CEP128: variants seen among roughly 807,000 people sequenced by gnomAD.
CEP128 encodes the protein centrosomal protein 128kDa.
In CEP128, 132 loss-of-function variants were observed where a neutral mutation model predicts 156.7. The ratio of observed to expected loss-of-function variants is 0.84; its 90% CI spans 0.73 to 0.97. The LOEUF (loss-of-function observed/expected upper bound fraction) is 0.97, where lower values mean the gene tolerates loss of function less well. Among genes scored for constraint, CEP128 ranks in the 50% least tolerant of loss-of-function variants. CEP128 has a pLI of 0.00. For synonymous variants in CEP128, 469 were observed against 448.9 expected, an observed-to-expected ratio of 1.04 and a Z score of -0.57; for missense variants, 1,252 against 1,281.9, an observed-to-expected ratio of 0.98 and a Z score of 0.36.
intron 19 of CEP128, among the ~76,000 whole-genome samples, chr14:80,677,993 T>C (rs528984012): frequency 6.7e-6 from 1 of 150,252 alleles, no homozygotes; most frequent in East Asian, 1.9e-4. Context: ...AAAGGTTATT[T>C]ATCAATTCCT....
At chr14:80,704,615 T>C (rs1218725639) in intron 19 of CEP128, among the ~76,000 whole-genome samples, 1 of 152,042 alleles carries the variant, frequency 6.6e-6, no homozygotes, top group African/African-American at 2.4e-5. Flanking sequence ...TTGAAAAAAA[T>C]ACAGAACTAC....
intron 19 of CEP128, among the ~76,000 whole-genome samples, chr14:80,647,038 TATATATATATATATATA>T: frequency 2.2e-3 from 1 of 458 alleles, no homozygotes; most frequent in African/African-American, 8.6e-3. Flanking sequence ...TGTGTGCATG[TATATATATATATATATA>T]TATATATATA....
chr14:80,693,475 C>T (rs1413793690), intron 19 of CEP128, among the ~76,000 whole-genome samples: 2 of 152,000 alleles, frequency 1.3e-5, no homozygotes, highest in Non-Finnish European at 2.9e-5. Context: ...TCTTTCAAAT[C>T]TCAATCAAAA....
At chr14:80,558,543 C>T (rs576224754) in intron 21 of CEP128, among the ~76,000 whole-genome samples, 153 of 152,266 alleles carry the variant, frequency 1.0e-3, no homozygotes, top group Middle Eastern at 3.4e-3. Context: ...CCGCCTCGGC[C>T]TCCCAAAGTG....
At chr14:80,570,300 T>G (rs927785319) in intron 20 of CEP128, among the ~76,000 whole-genome samples, 1 of 151,990 alleles carries the variant, frequency 6.6e-6, no homozygotes, top group African/African-American at 2.4e-5. Context: ...TGTGTTTTAG[T>G]AGAGATGAGG....
chr14:80,525,558 TA>T (rs1361634386), intron 23 of CEP128, among the ~76,000 whole-genome samples: 1 of 152,216 alleles, frequency 6.6e-6, no homozygotes, highest in African/African-American at 2.4e-5. Context: ...GGCACTCCTT[TA>T]CATGATGCAG....
chr14:80,831,396 T>C (rs907826696), intron 12 of CEP128, 102 bp from the exon 13 acceptor site: 9 of 1,239,076 alleles, frequency 7.3e-6, no homozygotes, highest in Non-Finnish European at 1.0e-5. Flanking sequence ...CTAGCTATCA[T>C]AATCCATTTA....
chr14:80,501,411 C>A (rs187236543), intron 24 of CEP128, among the ~76,000 whole-genome samples: 69 of 152,230 alleles, frequency 4.5e-4, no homozygotes, highest in East Asian at 3.9e-3. Context: ...GAGAGAAAAT[C>A]ATTTTCAACT....
intron 13 of CEP128, among the ~76,000 whole-genome samples, chr14:80,816,278 T>C (rs1055277618): frequency 2.6e-5 from 4 of 152,126 alleles, no homozygotes; most frequent in Admixed American, 1.3e-4. Flanking sequence ...CTCTCACCCT[T>C]GCTCTCAGTA....
chr14:80,743,100 C>T lies in CEP128; in HGVS notation c.2781G>A (p.Leu927=). ...CTCTCTTCTCACGATGTATTTCATCCAGAAGCTGCTCCTGCCTTTCTATCT... is the reference window on the plus strand; with the variant it reads ...CTCTCTTCTCACGATGTATTTCATCTAGAAGCTGCTCCTGCCTTTCTATCT... ...FQQIERQEQL[L]DEIHREKRDL... is the part of the protein sequence containing the mutation. The change falls in exon 19 of 25, where the codon CTG becomes CTA. Residue 927 remains leucine (L), a synonymous_variant. Coordinates refer to ENST00000555265, the MANE Select transcript of CEP128 (RefSeq NM_152446.5). The T allele has an allele frequency of 3.1e-6, 5 of 1,613,576 alleles. No individual in the cohort carries two copies. The highest frequency in any genetic ancestry group is 2.2e-5 in the East Asian group (1 of 44,858).
In CEP128 at chr14:80,801,914, A is replaced by C. The variant is rs1423010307; in HGVS notation, c.1210-8804T>G. Among the ~76,000 whole-genome samples, 2 of 143,256 alleles carry C rather than the reference A, an allele frequency of 1.4e-5. 1 individual carries two copies. Among genetic ancestry groups the C allele is most frequent in the African/African-American group, 5.4e-5 (2 of 36,708 alleles). 94.0% of individuals were successfully genotyped at this position (143,256 alleles called of 152,430 possible). Reference sequence around the variant, plus strand: ...CAGTGTGAGACTCTGTCTCCCCAAAAAAAAAAAAAAAAAAAAAAAAAAAGC... The same window carrying C: ...CAGTGTGAGACTCTGTCTCCCCAAACAAAAAAAAAAAAAAAAAAAAAAAGC... On this transcript the variant is annotated intron_variant, in intron 13 of 24. Coordinates refer to ENST00000555265, the MANE Select transcript of CEP128 (RefSeq NM_152446.5).
intron 19 of CEP128, among the ~76,000 whole-genome samples, chr14:80,624,713 G>A (rs191387887): frequency 2.0e-5 from 3 of 152,060 alleles, no homozygotes; most frequent in African/African-American, 7.2e-5. Context: ...TTGGCTTCTT[G>A]TGTGTCTTCT....
At chr14:80,531,612 C>A (rs972111374) in intron 21 of CEP128, among the ~76,000 whole-genome samples, 1 of 152,176 alleles carries the variant, frequency 6.6e-6, no homozygotes, top group African/African-American at 2.4e-5. Context: ...ATCTCTGTAT[C>A]CTCAGCTCTG....
intron 16 of CEP128, among the ~76,000 whole-genome samples, chr14:80,772,132 C>A (rs1900543132): frequency 6.6e-6 from 1 of 152,170 alleles, no homozygotes; most frequent in South Asian, 2.1e-4. Context: ...AGGCTGCACC[C>A]TCAAGGCTGG....
At chr14:80,842,107 A>G (rs1367291161) in intron 9 of CEP128, among the ~76,000 whole-genome samples, 3 of 152,058 alleles carry the variant, frequency 2.0e-5, no homozygotes, top group Non-Finnish European at 4.4e-5. Flanking sequence ...GTTGTTTATA[A>G]TATTGATTTT....
intron 10 of CEP128, among the ~76,000 whole-genome samples, chr14:80,839,665 C>T (rs1405633312): frequency 1.3e-5 from 2 of 152,004 alleles, no homozygotes; most frequent in African/African-American, 4.8e-5. Flanking sequence ...CATGGGACCT[C>T]TCTGTGCATC....
At chr14:80,919,847 C>T (rs1042315919) in intron 2 of CEP128, among the ~76,000 whole-genome samples, 2 of 152,146 alleles carry the variant, frequency 1.3e-5, no homozygotes, top group Admixed American at 6.5e-5. Flanking sequence ...TACACACACA[C>T]AAAGACTTCA....
chr14:80,783,514 G>C (rs763318257), intron 15 of CEP128, among the ~76,000 whole-genome samples: 5 of 152,120 alleles, frequency 3.3e-5, no homozygotes, highest in African/African-American at 1.2e-4. Flanking sequence ...AGCAGTGACC[G>C]GCACAAAATG....
At chr14:80,631,982 A>T (rs1228207542) in intron 19 of CEP128, among the ~76,000 whole-genome samples, 1 of 152,070 alleles carries the variant, frequency 6.6e-6, no homozygotes, top group Non-Finnish European at 1.5e-5. Context: ...ACTAAGGTTG[A>T]CCTGACTCTA....
Sources: gnomAD v4.1 joint callset for allele counts (sites outside exome capture counted in the v4.1 genomes callset) on GRCh38, gnomAD v4.1.1 for gene constraint, MANE v1.5 for transcripts, NCBI Gene and HGNC (gene_info 2026-07-23, HGNC 2026-07-21) for gene names.